Variants in MACROD1 observed in about 807,000 individuals in gnomAD.
MACROD1 encodes the protein mono-ADP ribosylhydrolase 1.
Under a neutral mutation model 41.4 loss-of-function variants are expected in MACROD1, and 31 were observed. That is an observed-to-expected ratio of 0.75 (90% confidence interval 0.56 to 1.01). MACROD1 has a LOEUF of 1.01. Among genes scored for constraint, MACROD1 ranks in the 50% least tolerant of loss-of-function variants. The pLI, the probability that MACROD1 is intolerant of heterozygous loss-of-function variation, is 0.00. For synonymous variants in MACROD1, 252 were observed against 203.4 expected (o/e 1.24, Z -2.03); for missense variants, 473 against 460.0 (o/e 1.03, Z -0.26).
chr11:64,088,199 G>C (rs1944427935), intron 3 of MACROD1, among the ~76,000 whole-genome samples: 2 of 152,222 alleles, frequency 1.3e-5, no homozygotes, highest in South Asian at 4.1e-4. Flanking sequence ...TCCTCCAGGG[G>C]TGTAGGGTGG....
In MACROD1 at chr11:63,999,383, G is replaced by A. The variant is rs750523516; in HGVS notation, c.839C>T (p.Ala280Val). Residue 280 changes from alanine (A) to valine (V), a missense_variant, in exon 8 of 11, where the codon GCC becomes GTC. Transcript: ENST00000255681. ...TCGCAGCGTGGCCAGCACGATCTCG[G>A]CGGCCGCCTCACAGGGGTAGCCTGA... ...GVFGYPCEAA[A>V]EIVLATLREW... 7 of 1,591,940 alleles carry A rather than the reference G, an allele frequency of 4.4e-6. No homozygotes were observed. Among genetic ancestry groups the A allele is most frequent in the African/African-American group, 2.7e-5 (2 of 74,766 alleles).
At chr11:64,075,182 C>A (rs1944179127) in intron 3 of MACROD1, among the ~76,000 whole-genome samples, 1 of 152,236 alleles carries the variant, frequency 6.6e-6, no homozygotes, top group Non-Finnish European at 1.5e-5. Context: ...GCATGAGGGT[C>A]TGAGGCCATG....
intron 3 of MACROD1, among the ~76,000 whole-genome samples, chr11:64,113,750 AT>A (rs1369968977): frequency 2.1e-5 from 3 of 144,050 alleles, no homozygotes; most frequent in Non-Finnish European, 3.0e-5. Context: ...GGATGGATGG[AT>A]GGACGGACAG....
chr11:64,165,894 G>T lies in MACROD1; in HGVS notation c.101C>A (p.Ala34Asp). The change falls in exon 1 of 11, where the codon GCC (alanine) becomes GAC (aspartate). Residue 34 changes from alanine to aspartate, a missense_variant. Coordinates refer to ENST00000255681, the MANE Select transcript of MACROD1 (RefSeq NM_014067.4). ...PRPRPGHLAG[A>D]TRTRSSTCGP... ...GCACGTGCTGCTGCGGGTCCTCGTG[G>T]CACCCGCCAAGTGTCCGGGCCGGGG... 7.2e-7 allele frequency: 1 copy of T among 1,387,602 alleles called. No individual in the cohort carries two copies. Among genetic ancestry groups the T allele is most frequent in the Non-Finnish European group, 9.3e-7 (1 of 1,076,020 alleles). The allele number at this position is 1,387,602 out of a possible 1,614,324, so 86.0% of individuals were successfully genotyped here. A position where few individuals can be genotyped will look rare whatever the true frequency, so the allele number is the denominator to read the frequency against.
chr11:64,152,525 A>G (rs181902523), intron 1 of MACROD1, 132 bp from the exon 2 acceptor site: 3 of 715,456 alleles, frequency 4.2e-6, no homozygotes, highest in Non-Finnish European at 2.5e-6. Context: ...CTGGGCACAC[A>G]GGGCAGGCAT....
chr11:64,087,254 C>T (rs1346444746), intron 3 of MACROD1: 1 of 152,296 alleles, frequency 6.6e-6, no homozygotes, highest in Admixed American at 6.5e-5. Context: ...GGCCCCTGCC[C>T]CAGTTCCATG....
chr11:64,051,318 T>TC (rs1445154756), intron 3 of MACROD1, among the ~76,000 whole-genome samples: 1 of 152,174 alleles, frequency 6.6e-6, no homozygotes, highest in Non-Finnish European at 1.5e-5. Context: ...ACACCTGCCT[T>TC]GACGGCCCTC....
At chr11:64,043,970 C>G (rs776411740) in intron 3 of MACROD1, among the ~76,000 whole-genome samples, 1 of 152,068 alleles carries the variant, frequency 6.6e-6, no homozygotes, top group African/African-American at 2.4e-5. Context: ...CCCGCCACCA[C>G]GCCGGGCTAA....
At chr11:64,144,571 C>T (rs879658934) in intron 3 of MACROD1, among the ~76,000 whole-genome samples, 18 of 152,282 alleles carry the variant, frequency 1.2e-4, no homozygotes, top group African/African-American at 4.1e-4. Context: ...GCCAGGGCAC[C>T]GGAAAGTGGC....
chr11:64,105,442 G>C (rs760865700), intron 3 of MACROD1, among the ~76,000 whole-genome samples: 1 of 152,202 alleles, frequency 6.6e-6, no homozygotes, highest in African/African-American at 2.4e-5. Context: ...CTCTGGTTGT[G>C]AGCATGTGAC....
intron 3 of MACROD1, among the ~76,000 whole-genome samples, chr11:64,049,074 G>A (rs1451304054): frequency 6.6e-6 from 1 of 151,114 alleles, no homozygotes; most frequent in Non-Finnish European, 1.5e-5. Context: ...AGGGGGTGGG[G>A]CCTTTGCCTG....
chr11:64,088,344 C>G (rs1463485681), intron 3 of MACROD1, among the ~76,000 whole-genome samples: 1 of 152,108 alleles, frequency 6.6e-6, no homozygotes, highest in Non-Finnish European at 1.5e-5. Flanking sequence ...GCAGCATAGA[C>G]CAGGGGGCAG....
chr11:64,106,214 C>T (rs1302491502), intron 3 of MACROD1, among the ~76,000 whole-genome samples: 1 of 152,120 alleles, frequency 6.6e-6, no homozygotes, highest in Non-Finnish European at 1.5e-5. Context: ...TGTGGCCACC[C>T]CTCTGCCATC....
chr11:64,067,774 C>T lies in MACROD1; in HGVS notation c.518-52493G>A, dbSNP rs1333181952. On this transcript the variant is annotated intron_variant, in intron 3 of 10. Coordinates refer to ENST00000255681, the MANE Select transcript of MACROD1 (RefSeq NM_014067.4). This position sits in a 1 kb window ranked among gnomAD's most constrained non-coding sequence, Gnocchi z 4.6. The stretch of plus-strand genomic sequence containing the variant: ...TTGTGAACTGGGGGTGGCCCCAGAG[C>T]TGTTTGTTTTCCCTGACTGAGGGGC... Among the ~76,000 whole-genome samples, 1 of 152,122 alleles carries T rather than the reference C, an allele frequency of 6.6e-6. No individual in the cohort carries two copies. The highest frequency in any genetic ancestry group is 1.5e-5 in the Non-Finnish European group (1 of 68,034).
rs1159659525 is a variant in MACROD1, at chr11:64,165,824, G to A, written c.171C>T (p.Thr57=). The A allele has an allele frequency of 5.1e-5, 75 of 1,482,278 alleles. 1 individual carries two copies. In the East Asian group the frequency reaches 2.2e-3, roughly 43 times the overall value. 91.8% of individuals were successfully genotyped at this position (1,482,278 alleles called of 1,614,324 possible). The stretch of plus-strand genomic sequence containing the variant: ...CCCCCCACGCCCCAACTCCCGCCGA[G>A]GTCCGCGCACGGCGGCCGAACACGC... The part of the protein sequence containing the change: ...FLGVFGRRAR[T]SAGVGAWGAA... Residue 57 remains threonine (T), a synonymous_variant, in exon 1 of 11, where the codon ACC becomes ACT. Coordinates refer to ENST00000255681, the MANE Select transcript of MACROD1 (RefSeq NM_014067.4).
chr11:64,028,396 T>C (rs1007255109), intron 3 of MACROD1, among the ~76,000 whole-genome samples: 1 of 152,196 alleles, frequency 6.6e-6, no homozygotes, highest in African/African-American at 2.4e-5. Context: ...TCTGTTCCCC[T>C]GCCCTCCCAG....
chr11:64,056,173 C>A (rs568113167), intron 3 of MACROD1, among the ~76,000 whole-genome samples: 2 of 152,264 alleles, frequency 1.3e-5, no homozygotes, highest in Admixed American at 1.3e-4. Flanking sequence ...ATCTTTTGGG[C>A]TGTGCAGGCA....
chr11:64,164,735 C>T (rs879158221), intron 1 of MACROD1, among the ~76,000 whole-genome samples: 1 of 151,896 alleles, frequency 6.6e-6, no homozygotes, highest in African/African-American at 2.4e-5. Context: ...CTGCCCAGCC[C>T]AGAGGCCACA....
chr11:64,003,525 G>T (rs1261324776), intron 4 of MACROD1, among the ~76,000 whole-genome samples: 1 of 152,162 alleles, frequency 6.6e-6, no homozygotes, highest in East Asian at 1.9e-4. Context: ...TTGAGACAGG[G>T]TCTTGCTATG....
Sources: allele counts gnomAD v4.1 joint callset (sites outside exome capture counted in the v4.1 genomes callset), GRCh38; gene constraint gnomAD v4.1.1; non-coding constraint Gnocchi (gnomAD v3.1); transcripts MANE v1.5; gene names NCBI Gene and HGNC (gene_info 2026-07-23, HGNC 2026-07-21).